The following HEPHL1 variants were observed in gnomAD, a reference collection of about 807,000 sequenced individuals.
HEPHL1 encodes ferroxidase HEPHL1.
A neutral mutation model predicts 122.0 loss-of-function variants in HEPHL1; 123 were observed. That is an observed-to-expected ratio of 1.01 (90% CI 0.87 to 1.17). The LOEUF (loss-of-function observed/expected upper bound fraction) is 1.17. Ranked by LOEUF, HEPHL1 falls within the 50% of genes most tolerant of loss-of-function variation. HEPHL1 has a pLI of 0.00. For synonymous variants in HEPHL1, 527 were observed against 508.9 expected (o/e 1.04, Z -0.48); for missense variants, 1,452 against 1,430.5 (o/e 1.01, Z -0.24).
intron 4 of HEPHL1, among the ~76,000 whole-genome samples, chr11:94,064,888 T>G (rs181933830): frequency 6.6e-6 from 1 of 152,292 alleles, no homozygotes; most frequent in Non-Finnish European, 1.5e-5. Flanking sequence ...AATCCTGTGT[T>G]TTGCAACATT....
chr11:94,046,661 GCCTTTGTGAAGCAGCCCTGTCTT>G (rs1945842457), intron 2 of HEPHL1, among the ~76,000 whole-genome samples: 1 of 151,468 alleles, frequency 6.6e-6, no homozygotes, highest in South Asian at 2.1e-4. Context: ...TTTTGGTGCT[GCCTTTGTGAAGCAGCCCTGTCTT>G]CCTTCTTGTG....
chr11:94,104,962 T>C (rs1946397341), intron 16 of HEPHL1, among the ~76,000 whole-genome samples: 2 of 152,310 alleles, frequency 1.3e-5, no homozygotes, highest in East Asian at 1.9e-4. Context: ...TACTAACTTG[T>C]AGGGACATGT....
rs113614754 is a variant in HEPHL1 at position 94,088,861 on chromosome 11, C to A, written c.2187C>A (p.Tyr729Ter). The change falls in exon 12 of 20, where the codon TAC becomes TAA. Residue 729 changes from tyrosine (Y) to a stop codon, truncating the protein, a stop_gained. Coordinates refer to ENST00000315765, the MANE Select transcript of HEPHL1 (RefSeq NM_001098672.2). LOFTEE classifies it high-confidence loss of function. ...CDNRDPSEQR[Y>*]GMIRTFYIAA... ...ACAGGGACCCTTCTGAGCAGCGGTACGGGATGATAAGAACTTTTTACATCG... is the reference window on the plus strand; with the variant it reads ...ACAGGGACCCTTCTGAGCAGCGGTAAGGGATGATAAGAACTTTTTACATCG... The A allele has an allele frequency of 3.0e-5, 48 of 1,613,718 alleles. No individual in the cohort carries two copies. Among genetic ancestry groups the A allele is most frequent in the Non-Finnish European group, 3.7e-5 (44 of 1,179,836 alleles).
chr11:94,039,556 G>A (rs1234327031), intron 1 of HEPHL1, among the ~76,000 whole-genome samples: 2 of 151,522 alleles, frequency 1.3e-5, no homozygotes, highest in African/African-American at 2.4e-5. Context: ...TACAACTCAG[G>A]ATTAAGAATC....
At chr11:94,081,346 T>C (rs770021628) in intron 9 of HEPHL1, among the ~76,000 whole-genome samples, 1 of 152,196 alleles carries the variant, frequency 6.6e-6, no homozygotes, top group South Asian at 2.1e-4. Flanking sequence ...ATGCATGCTG[T>C]GCTTAATACC....
chr11:94,060,086 A>G (rs1187049396), intron 2 of HEPHL1, among the ~76,000 whole-genome samples: 7 of 117,492 alleles, frequency 6.0e-5, no homozygotes, highest in Non-Finnish European at 1.2e-4. Context: ...ACTCAGTCAT[A>G]TTTTATTATA....
intron 13 of HEPHL1, among the ~76,000 whole-genome samples, chr11:94,095,602 T>C (rs1209737185): frequency 6.6e-6 from 1 of 152,072 alleles, no homozygotes; most frequent in African/African-American, 2.4e-5. Flanking sequence ...AGTATGGCCA[T>C]TGGGAAATGG....
intron 1 of HEPHL1, among the ~76,000 whole-genome samples, chr11:94,036,338 A>G (rs1051729820): frequency 6.6e-6 from 1 of 152,186 alleles, no homozygotes; most frequent in African/African-American, 2.4e-5. Flanking sequence ...GGACTAGACA[A>G]GGGTGCCTGA....
At chr11:94,030,095 G>T (rs1945659786) in intron 1 of HEPHL1, among the ~76,000 whole-genome samples, 1 of 152,174 alleles carries the variant, frequency 6.6e-6, no homozygotes, top group African/African-American at 2.4e-5. Context: ...CTTCCCTATA[G>T]GGCCTGTTGG....
rs1194487219 is a variant in HEPHL1, at chr11:94,104,624, C to A, written c.2779C>A (p.Leu927Ile). 1 of 1,613,740 alleles carries A rather than the reference C, an allele frequency of 6.2e-7. No homozygotes were observed. The highest frequency in any genetic ancestry group is 2.2e-5 in the East Asian group (1 of 44,872). The change falls in exon 16 of 20, where the codon CTC becomes ATC. Residue 927 changes from leucine to isoleucine, a missense_variant. Coordinates refer to ENST00000315765, the MANE Select transcript of HEPHL1 (RefSeq NM_001098672.2). Reference sequence around the variant, plus strand: ...AAGTGACGTTGATTATGAATTTGCTCTCTTGTTTTTGGTATTTAATGAGAA... The same window carrying A: ...AAGTGACGTTGATTATGAATTTGCTATCTTGTTTTTGGTATTTAATGAGAA... ...RRSDVDYEFA[L>I]LFLVFNENES...
In HEPHL1 at chr11:94,111,840, G is replaced by A; in HGVS notation, c.3426G>A (p.Lys1142=). The A allele has an allele frequency of 6.5e-7, 1 of 1,536,728 alleles. No homozygotes were observed. Among genetic ancestry groups the A allele is most frequent in the Non-Finnish European group, 8.7e-7 (1 of 1,144,546 alleles). Reference sequence around the variant, plus strand: ...CCCTCAGACTCTGCTCTGCAATGAAGCAGACAGATTACCAGCAAGTCCAGT... The same window carrying A: ...CCCTCAGACTCTGCTCTGCAATGAAACAGACAGATTACCAGCAAGTCCAGT... ...ILSLRLCSAM[K]QTDYQQVQSC... is the part of the protein sequence containing the mutation. The change falls in exon 20 of 20, where the codon AAG becomes AAA. Residue 1142 remains lysine (K), a synonymous_variant. Coordinates refer to ENST00000315765, the MANE Select transcript of HEPHL1 (RefSeq NM_001098672.2).
intron 2 of HEPHL1, chr11:94,055,882 C>T: frequency 2.9e-6 from 2 of 684,704 alleles, no homozygotes; most frequent in Non-Finnish European, 5.0e-6. Flanking sequence ...TGCTCAGCAT[C>T]CACATAATAT....
Position 94,110,996 on chromosome 11 carries a change from C to A in HEPHL1, c.3139C>A (p.Leu1047Ile). The change falls in exon 18 of 20, where the codon CTA (leucine) becomes ATA (isoleucine). Residue 1047 changes from leucine (L) to isoleucine (I), a missense_variant. Leu to Ile is a conservative substitution (Grantham distance 5). Transcript: ENST00000315765. ...LFADHPGTWL[L>I]HCHVSDHIHA... Reference sequence around the variant, plus strand: ...TGCAGATCACCCAGGGACATGGCTGCTACACTGTCATGTGTCTGACCACAT... The same window carrying A: ...TGCAGATCACCCAGGGACATGGCTGATACACTGTCATGTGTCTGACCACAT... 1 of 1,611,012 alleles carries A rather than the reference C, an allele frequency of 6.2e-7. No homozygotes were observed. Among genetic ancestry groups the A allele is most frequent in the South Asian group, 1.1e-5 (1 of 90,352 alleles).
At chr11:94,100,328 G>A (rs1474633921) in intron 13 of HEPHL1, among the ~76,000 whole-genome samples, 1 of 152,226 alleles carries the variant, frequency 6.6e-6, no homozygotes, top group Admixed American at 6.5e-5. Flanking sequence ...CCCTGTGAAT[G>A]TAGAATGCAC....
intron 2 of HEPHL1, among the ~76,000 whole-genome samples, chr11:94,049,482 A>T (rs1164713842): frequency 2.6e-5 from 4 of 152,112 alleles, no homozygotes; most frequent in South Asian, 2.1e-4. Context: ...ATGACCCAGC[A>T]GTCCCACTAC....
At chr11:94,073,262 G>A (rs1565355044) in intron 7 of HEPHL1, 46 bp from the exon 8 acceptor site, 4 of 1,607,064 alleles carry the variant, frequency 2.5e-6, no homozygotes, top group Non-Finnish European at 3.4e-6. Context: ...ACTTCTTTCT[G>A]TCTCTTTTCA....
At chr11:94,080,499 A>T (rs1488938053) in intron 9 of HEPHL1, among the ~76,000 whole-genome samples, 1 of 152,252 alleles carries the variant, frequency 6.6e-6, no homozygotes, top group Non-Finnish European at 1.5e-5. Context: ...CCATCATCAG[A>T]GTGAACAGAC....
intron 2 of HEPHL1, 27 bp from the exon 3 acceptor site, chr11:94,063,480 CT>C (rs533209190): frequency 1.3e-4 from 190 of 1,493,702 alleles, no homozygotes; most frequent in Middle Eastern, 5.2e-4. Flanking sequence ...TATGTTTTAC[CT>C]TTTTTTTTAA....
intron 13 of HEPHL1, among the ~76,000 whole-genome samples, chr11:94,093,842 A>G (rs991099955): frequency 2.0e-5 from 3 of 151,390 alleles, no homozygotes; most frequent in East Asian, 3.9e-4. Context: ...ACTAGTCATA[A>G]TAGGACTACC....
Sources: allele counts gnomAD v4.1 joint callset (sites outside exome capture counted in the v4.1 genomes callset), GRCh38; gene constraint gnomAD v4.1.1; transcripts MANE v1.5; gene names NCBI Gene and HGNC (gene_info 2026-07-23, HGNC 2026-07-21).